Variants in TRPV1 observed in about 807,000 individuals in gnomAD.
The protein encoded by TRPV1 is transient receptor potential cation channel subfamily V member 1, also known as OTRPC1.
In TRPV1, 82 loss-of-function variants were observed where a neutral mutation model predicts 82.3. The ratio of observed to expected loss-of-function variants is 1.00; its 90% CI spans 0.83 to 1.20. The LOEUF (loss-of-function observed/expected upper bound fraction) is 1.20, where lower values mean the gene tolerates loss of function less well. TRPV1 is among the 50% of genes most tolerant of loss of function. The pLI is 0.00. For missense variants in TRPV1, 1,067 were observed against 1,096.8 expected, an observed-to-expected ratio of 0.97 and a Z score of 0.38; for synonymous variants, 515 against 467.7, an observed-to-expected ratio of 1.10 and a Z score of -1.30.
chr17:3,577,704 T>G lies in TRPV1; in HGVS notation c.1607A>C (p.Glu536Ala). The G allele has an allele frequency of 2.5e-6, 4 of 1,590,382 alleles. No individual in the cohort carries two copies. Among genetic ancestry groups the G allele is most frequent in the Non-Finnish European group, 3.4e-6 (4 of 1,168,926 alleles). ...TVVLYFSHLK[E>A]YVASMVFSLA... is the part of the protein sequence containing the mutation. Reference sequence around the variant, plus strand: ...GGAGAATACCATGGAAGCCACATACTCCTTGAGGTGGCTGAAGTACAGCAC... The same window carrying G: ...GGAGAATACCATGGAAGCCACATACGCCTTGAGGTGGCTGAAGTACAGCAC... The change falls in exon 12 of 17, where the codon GAG becomes GCG. Residue 536 changes from glutamate (E) to alanine (A), a missense_variant. By Grantham distance (107) the Glu-to-Ala change is moderately radical. Transcript: ENST00000572705.
In TRPV1 at chr17:3,565,677, C is replaced by T. The variant is rs926234597; in HGVS notation, c.*1138G>A. 1.3e-5 allele frequency: 2 copies of T among 152,296 alleles called. No individual in the cohort carries two copies. The highest frequency in any genetic ancestry group is 2.9e-5 in the Non-Finnish European group (2 of 68,090). The allele number at this position is 152,296 out of a possible 1,614,324, so 9.4% of individuals were successfully genotyped here. A position where few individuals can be genotyped will look rare whatever the true frequency, so the allele number is the denominator to read the frequency against. On this transcript the variant is annotated 3_prime_UTR_variant, in exon 17 of 17. Transcript: ENST00000572705. ...GATGAAGAAGGCACTGCTGCAACAGCTTGATTCTGCCAGAGCTGGGAGTGG... is the reference window on the plus strand; with the variant it reads ...GATGAAGAAGGCACTGCTGCAACAGTTTGATTCTGCCAGAGCTGGGAGTGG...
rs535303385 is a variant in TRPV1 at position 3,567,006 on chromosome 17, A to G, written c.2348-19T>C. On this transcript the variant is annotated intron_variant, in intron 16 of 16. Transcript: ENST00000572705. Reference sequence around the variant, plus strand: ...CCTGAAACTGAAGGGTAACACTATTACTACCTTGGATGCAACAAAACAAAC... The same window carrying G: ...CCTGAAACTGAAGGGTAACACTATTGCTACCTTGGATGCAACAAAACAAAC... 3 of 1,612,300 alleles carry G rather than the reference A, an allele frequency of 1.9e-6. No homozygotes were observed. Among genetic ancestry groups the G allele is most frequent in the South Asian group, 1.1e-5 (1 of 90,906 alleles).
intron 8 of TRPV1, 57 bp downstream of exon 8, chr17:3,588,131 T>G: frequency 6.6e-7 from 1 of 1,521,144 alleles, no homozygotes. Flanking sequence ...GGGGCTGGGA[T>G]TGGGGCTTGG....
intron 2 of TRPV1, chr17:3,592,970 C>T (rs1443341192): frequency 6.5e-6 from 1 of 152,908 alleles, no homozygotes; most frequent in East Asian, 1.9e-4. Flanking sequence ...TGCCTTTGCT[C>T]TTCAACCTCG....
intron 11 of TRPV1, chr17:3,578,435 A>G (rs981162199): frequency 2.0e-5 from 3 of 152,260 alleles, no homozygotes; most frequent in East Asian, 1.9e-4. Context: ...AGATCACTTG[A>G]GGTCAGGAGT....
intron 2 of TRPV1, among the ~76,000 whole-genome samples, chr17:3,598,631 T>A (rs2075239324): frequency 6.9e-6 from 1 of 144,364 alleles, no homozygotes; most frequent in Non-Finnish European, 1.5e-5. Flanking sequence ...AATGGCGCAA[T>A]CTCGGCTCAC....
At chr17:3,584,562 C>T (rs1432236795) in intron 9 of TRPV1, among the ~76,000 whole-genome samples, 1 of 151,952 alleles carries the variant, frequency 6.6e-6, no homozygotes, top group African/African-American at 2.4e-5. Flanking sequence ...TTTGGGAGGC[C>T]GAGGCAGGCG....
chr17:3,590,908 C>CT, intron 5 of TRPV1, 56 bp downstream of exon 5: 1 of 1,507,486 alleles, frequency 6.6e-7, no homozygotes, highest in Non-Finnish European at 8.9e-7. Context: ...CAACCATGCC[C>CT]CCCTGCTTCC....
intron 2 of TRPV1, among the ~76,000 whole-genome samples, chr17:3,593,922 C>G (rs60088710): frequency 1.3e-5 from 2 of 151,792 alleles, no homozygotes; most frequent in Non-Finnish European, 2.9e-5. Flanking sequence ...GTCAGGAGTT[C>G]GAGACCAGCC....
Position 3,609,324 on chromosome 17 carries a change from A to G in TRPV1, c.-188T>C, listed in dbSNP as rs1040880698. The G allele has an allele frequency of 1.8e-5, 1 of 54,558 alleles. No individual in the cohort carries two copies. Among genetic ancestry groups the G allele is most frequent in the African/African-American group, 3.7e-5 (1 of 26,782 alleles). The allele number at this position is 54,558 out of a possible 1,614,324, so 3.4% of individuals were successfully genotyped here. A position where few individuals can be genotyped will look rare whatever the true frequency, so the allele number is the denominator to read the frequency against. ...TGTTTCATACCTGTCATGGATACTG[A>G]GAGAGAGAGAGAGAGAGAGAGAGAG... On this transcript the variant is annotated 5_prime_UTR_variant, in exon 1 of 17. Coordinates refer to ENST00000572705, the MANE Select transcript of TRPV1 (RefSeq NM_080704.4).
chr17:3,601,231 T>C (rs2075260442), intron 2 of TRPV1, among the ~76,000 whole-genome samples: 1 of 151,968 alleles, frequency 6.6e-6, no homozygotes, highest in Non-Finnish European at 1.5e-5. Flanking sequence ...GGGAGCCCCT[T>C]CTTCTCACCT....
At chr17:3,580,783 A>G (rs916717620) in intron 10 of TRPV1, among the ~76,000 whole-genome samples, 5 of 152,270 alleles carry the variant, frequency 3.3e-5, no homozygotes, top group South Asian at 2.1e-4. Flanking sequence ...TTGGGAGGCC[A>G]AGGCGGGTGG....
At chr17:3,598,677 G>A (rs1453222703) in intron 2 of TRPV1, among the ~76,000 whole-genome samples, 3 of 148,346 alleles carry the variant, frequency 2.0e-5, no homozygotes, top group Non-Finnish European at 3.0e-5. Flanking sequence ...GCAATTCTCC[G>A]GCCTTAGCCT....
At chr17:3,570,661 C>G (rs996388862) in intron 16 of TRPV1, among the ~76,000 whole-genome samples, 10 of 152,162 alleles carry the variant, frequency 6.6e-5, no homozygotes, top group Non-Finnish European at 4.4e-5. Flanking sequence ...TAAATGTTTA[C>G]CAGTAACTGT....
intron 2 of TRPV1, chr17:3,601,912 A>C (rs781217746): frequency 3.3e-5 from 5 of 152,160 alleles, no homozygotes; most frequent in Non-Finnish European, 7.3e-5. Context: ...GCTCACTTCT[A>C]AACTCCTACA....
chr17:3,588,825 A>AAC, intron 7 of TRPV1: 2 of 1,319,470 alleles, frequency 1.5e-6, no homozygotes, highest in Non-Finnish European at 2.0e-6. Context: ...AAAAAAAAAA[A>AAC]AAAAACAAAA....
chr17:3,577,091 C>CCCTG, intron 13 of TRPV1, 35 bp downstream of exon 13: 1 of 1,560,584 alleles, frequency 6.4e-7, no homozygotes, highest in Non-Finnish European at 8.7e-7. Context: ...CAAGCAGGAC[C>CCCTG]CCTGCCCTCC....
intron 13 of TRPV1, among the ~76,000 whole-genome samples, chr17:3,574,993 T>C (rs1218404538): frequency 6.7e-6 from 1 of 149,030 alleles, no homozygotes; most frequent in African/African-American, 2.5e-5. Flanking sequence ...CTCCAGTGAC[T>C]AATCTCAGAC....
intron 6 of TRPV1, 32 bp from the exon 7 acceptor site, chr17:3,590,137 GGAGT>G: frequency 6.3e-7 from 1 of 1,589,546 alleles, no homozygotes; most frequent in Non-Finnish European, 8.6e-7. Flanking sequence ...GTGGGCCTCA[GGAGT>G]GAGATCCAGC....
Sources: allele counts gnomAD v4.1 joint callset (sites outside exome capture counted in the v4.1 genomes callset), GRCh38; gene constraint gnomAD v4.1.1; transcripts MANE v1.5; gene names NCBI Gene and HGNC (gene_info 2026-07-23, HGNC 2026-07-21).